The following UNC5C variants were observed in gnomAD, a reference collection of about 807,000 sequenced individuals.
UNC5C encodes the protein netrin receptor UNC5C.
A neutral mutation model predicts 99.8 loss-of-function variants in UNC5C; 47 were observed. The observed-to-expected ratio is 0.47, with a 90% CI of 0.37 to 0.60. The LOEUF (loss-of-function observed/expected upper bound fraction) is 0.60. Ranked by LOEUF, UNC5C falls within the 20% of genes least tolerant of loss-of-function variation. UNC5C has a pLI of 0.00. For missense variants in UNC5C, 1,062 were observed against 1,165.9 expected, an observed-to-expected ratio of 0.91 and a Z score of 1.30; for synonymous variants, 487 against 452.2, an observed-to-expected ratio of 1.08 and a Z score of -0.98.
intron 1 of UNC5C, among the ~76,000 whole-genome samples, chr4:95,462,688 T>C (rs1747640811): frequency 6.6e-6 from 1 of 152,216 alleles, no homozygotes; most frequent in African/African-American, 2.4e-5. Flanking sequence ...ATCACTAGCA[T>C]GTGTCCTGGG....
intron 1 of UNC5C, among the ~76,000 whole-genome samples, chr4:95,484,425 C>T (rs1329065452): frequency 6.6e-6 from 1 of 151,814 alleles, no homozygotes; most frequent in South Asian, 2.1e-4. Flanking sequence ...CCTGGGCTCA[C>T]GAGCAGGTAT....
intron 1 of UNC5C, among the ~76,000 whole-genome samples, chr4:95,382,197 G>A (rs1054411152): frequency 2.0e-4 from 31 of 152,122 alleles, no homozygotes; most frequent in African/African-American, 6.8e-4. Flanking sequence ...TTCAGGCCAG[G>A]TGGTGCAGCT....
chr4:95,546,010 C>T (rs1474696136), intron 1 of UNC5C, among the ~76,000 whole-genome samples: 2 of 152,182 alleles, frequency 1.3e-5, no homozygotes, highest in African/African-American at 4.8e-5. Context: ...ACAAATAATG[C>T]CTATTCTATG....
chr4:95,393,850 GTT>G (rs10638203), intron 1 of UNC5C, among the ~76,000 whole-genome samples: 10 of 133,742 alleles, frequency 7.5e-5, no homozygotes, highest in African/African-American at 3.0e-4. Context: ...ACAATCTACT[GTT>G]TTTTTTTTTT....
chr4:95,521,370 C>T (rs1280187885), intron 1 of UNC5C, among the ~76,000 whole-genome samples: 1 of 151,790 alleles, frequency 6.6e-6, no homozygotes, highest in African/African-American at 2.4e-5. Flanking sequence ...AGGCATGTGC[C>T]ACCATGCCTG....
intron 4 of UNC5C, among the ~76,000 whole-genome samples, chr4:95,252,484 C>T (rs548146675): frequency 1.3e-4 from 20 of 152,178 alleles, no homozygotes; most frequent in African/African-American, 4.6e-4. Flanking sequence ...TTATAACTTC[C>T]CCATTAGCCC....
At chr4:95,451,926 T>G (rs1179749791) in intron 1 of UNC5C, among the ~76,000 whole-genome samples, 1 of 152,150 alleles carries the variant, frequency 6.6e-6, no homozygotes, top group Non-Finnish European at 1.5e-5. Context: ...AACATGACCG[T>G]GATAGCTCTT....
chr4:95,177,850 C>T lies in UNC5C; in HGVS notation c.2451+5047G>A, dbSNP rs549568102. 8.6e-5 allele frequency among the ~76,000 whole-genome samples: 13 copies of T among 150,810 alleles called. No individual in the cohort carries two copies. The East Asian group carries it at 2.6e-3, about 30-fold the overall frequency. ...CCAAATAGCTGAGACTATCGGTGTGCACCATCACACTGGGCTAATTTGCCT... is the reference window on the plus strand; with the variant it reads ...CCAAATAGCTGAGACTATCGGTGTGTACCATCACACTGGGCTAATTTGCCT... On this transcript the variant is annotated intron_variant, in intron 14 of 15. Transcript: ENST00000453304.
Position 95,391,757 on chromosome 4 carries a change from TAAA to T in UNC5C, c.125-56129_125-56127del, listed in dbSNP as rs61515733. Among the ~76,000 whole-genome samples the T allele has an allele frequency of 4.0e-3, 502 of 125,850 alleles. 2 individuals are homozygous for T. Among genetic ancestry groups the T allele is most frequent in the East Asian group, 8.3e-3 (33 of 3,958 alleles). The allele number at this position is 125,850 out of a possible 152,430, so 82.6% of individuals were successfully genotyped here. A position where few individuals can be genotyped will look rare whatever the true frequency, so the allele number is the denominator to read the frequency against. ...TAAAGTGAGCTTTGTCCTTTCATGG[TAAA>T]AAAAAAAAAAAAAAAAAGGCACTTT... is the stretch of plus-strand genomic sequence containing the variant. On this transcript the variant is annotated intron_variant, in intron 1 of 15. Transcript: ENST00000453304.
chr4:95,409,142 CCTAT>C (rs370379074), intron 1 of UNC5C, among the ~76,000 whole-genome samples: 2 of 152,310 alleles, frequency 1.3e-5, no homozygotes, highest in East Asian at 1.9e-4. Context: ...CAAGAACTTT[CCTAT>C]CTATCAGATT....
Position 95,325,889 on chromosome 4 carries a change from A to G in UNC5C, c.346+9521T>C, listed in dbSNP as rs142061197. Reference sequence around the variant, plus strand: ...GCACATACAGCTGACACTCTGAAGCAGCCCTTCTCTTCCTGGGAAAACAAA... The same window carrying G: ...GCACATACAGCTGACACTCTGAAGCGGCCCTTCTCTTCCTGGGAAAACAAA... On this transcript the variant is annotated intron_variant, in intron 2 of 15. Coordinates refer to ENST00000453304, the MANE Select transcript of UNC5C (RefSeq NM_003728.4). Among the ~76,000 whole-genome samples, 277 of 152,306 alleles carry G rather than the reference A, an allele frequency of 1.8e-3. 1 individual carries two copies. The highest frequency in any genetic ancestry group is 0.01 in the Middle Eastern group (3 of 294).
chr4:95,269,838 A>T (rs6829077), intron 4 of UNC5C, among the ~76,000 whole-genome samples: 4 of 151,578 alleles, frequency 2.6e-5, no homozygotes, highest in Admixed American at 2.0e-4. Context: ...TCAGCCTCCC[A>T]AGTAGCTAGG....
chr4:95,342,883 G>T (rs778977028), intron 1 of UNC5C, among the ~76,000 whole-genome samples: 1 of 152,036 alleles, frequency 6.6e-6, no homozygotes, highest in Non-Finnish European at 1.5e-5. Flanking sequence ...AGTACTTGCT[G>T]TGGGCCTGGG....
chr4:95,301,548 C>T, intron 3 of UNC5C, 58 bp downstream of exon 3: 1 of 1,607,788 alleles, frequency 6.2e-7, no homozygotes. Flanking sequence ...ACAGTGTAAA[C>T]TTTCCCTTAT....
chr4:95,347,571 T>C (rs940309234), intron 1 of UNC5C, among the ~76,000 whole-genome samples: 4 of 151,934 alleles, frequency 2.6e-5, no homozygotes, highest in South Asian at 4.2e-4. Flanking sequence ...CACAGACTCA[T>C]GGAACAGAAT....
intron 12 of UNC5C, among the ~76,000 whole-genome samples, chr4:95,191,919 CT>C (rs1737121704): frequency 7.3e-6 from 1 of 136,674 alleles, no homozygotes; most frequent in Non-Finnish European, 1.6e-5. Context: ...ACCCTTCCCC[CT>C]GCCCACCTCC....
intron 14 of UNC5C, among the ~76,000 whole-genome samples, chr4:95,180,993 G>C (rs1254438024): frequency 6.6e-6 from 1 of 152,106 alleles, no homozygotes; most frequent in African/African-American, 2.4e-5. Flanking sequence ...TCAGCGCAGA[G>C]GCTTCCTCTC....
intron 3 of UNC5C, among the ~76,000 whole-genome samples, chr4:95,300,055 G>A (rs1265300316): frequency 6.6e-6 from 1 of 152,164 alleles, no homozygotes; most frequent in African/African-American, 2.4e-5. Flanking sequence ...GGATTGATGG[G>A]ACTTAGAGCT....
At chr4:95,172,747 T>C (rs1393972581) in intron 14 of UNC5C, among the ~76,000 whole-genome samples, 9 of 151,816 alleles carry the variant, frequency 5.9e-5, no homozygotes, top group Non-Finnish European at 1.3e-4. Flanking sequence ...CCATATGAAC[T>C]TGAAAGTAGT....
Sources: gnomAD v4.1 joint callset for allele counts (sites outside exome capture counted in the v4.1 genomes callset) on GRCh38, gnomAD v4.1.1 for gene constraint, MANE v1.5 for transcripts, NCBI Gene and HGNC (gene_info 2026-07-23, HGNC 2026-07-21) for gene names.